AGRN: variants seen among roughly 807,000 people sequenced by gnomAD.
The protein encoded by AGRN is agrin proteoglycan.
AGRN carries 106 observed loss-of-function variants against 211.0 expected under a neutral mutation model. The ratio of observed to expected loss-of-function variants is 0.50; its 90% CI spans 0.43 to 0.59. The LOEUF is 0.59. AGRN is among the 20% of genes least tolerant of loss of function. The pLI, the probability that AGRN is intolerant of heterozygous loss-of-function variation, is 0.00. For missense variants in AGRN, 3,040 were observed against 2,982.6 expected, an observed-to-expected ratio of 1.02 and a Z score of -0.45; for synonymous variants, 1,525 against 1,332.5, an observed-to-expected ratio of 1.14 and a Z score of -3.15.
At chr1:1,044,708 T>A (rs1645042596) in intron 12 of AGRN, among the ~76,000 whole-genome samples, 1 of 152,176 alleles carries the variant, frequency 6.6e-6, no homozygotes, top group African/African-American at 2.4e-5. Context: ...GTGTGGGCAC[T>A]TTCTCTGCAT....
chr1:1,043,599 C>G lies in AGRN; in HGVS notation c.1665C>G (p.Cys555Trp), dbSNP rs376620402. The G allele has an allele frequency of 4.9e-5, 78 of 1,605,012 alleles. No individual in the cohort carries two copies. Among genetic ancestry groups the G allele is most frequent in the Non-Finnish European group, 6.6e-5 (78 of 1,179,778 alleles). Reference protein sequence around the residue: ...LCEAETGRCVCPSECVALAQP... With the variant: ...LCEAETGRCVWPSECVALAQP... ...AGGCCGAGACCGGGCGCTGCGTGTGCCCCTCTGAATGCGTGGCTTTGGCCC... is the reference window on the plus strand; with the variant it reads ...AGGCCGAGACCGGGCGCTGCGTGTGGCCCTCTGAATGCGTGGCTTTGGCCC... The change falls in exon 9 of 36, where the codon TGC becomes TGG. Residue 555 changes from cysteine to tryptophan, a missense_variant. Around this residue, in one of 3 missense-constraint regions of AGRN, gnomAD observed 1,498 missense variants for 1,457.8 expected, o/e 1.03. Coordinates refer to ENST00000379370, the MANE Select transcript of AGRN (RefSeq NM_198576.4).
At chr1:1,035,837 T>TG (rs1441211594) in intron 3 of AGRN, among the ~76,000 whole-genome samples, 8 of 132,366 alleles carry the variant, frequency 6.0e-5, no homozygotes, top group Non-Finnish European at 9.8e-5. Context: ...CAGGCTGTCA[T>TG]GGGGGGACAC....
chr1:1,024,889 G>A (rs371468494), intron 2 of AGRN, among the ~76,000 whole-genome samples: 3 of 152,192 alleles, frequency 2.0e-5, no homozygotes, highest in South Asian at 2.1e-4. Context: ...TGCTCCCTCC[G>A]GAAGGAGACC....
At chr1:1,050,890 CG>C in intron 30 of AGRN, 53 bp downstream of exon 30, 1 of 1,517,974 alleles carries the variant, frequency 6.6e-7, no homozygotes, top group East Asian at 2.5e-5. Context: ...TCTTCCTCCT[CG>C]GGCGGCAGCC....
intron 33 of AGRN, chr1:1,052,130 G>A: frequency 7.8e-7 from 1 of 1,274,234 alleles, no homozygotes; most frequent in Non-Finnish European, 1.1e-6. Flanking sequence ...GGCGGAGGAT[G>A]GGGGTCCGGC....
At chr1:1,023,297 G>A (rs1644451270) in intron 2 of AGRN, among the ~76,000 whole-genome samples, 1 of 152,200 alleles carries the variant, frequency 6.6e-6, no homozygotes, top group African/African-American at 2.4e-5. Flanking sequence ...AGGGGTCCTT[G>A]TGGGGTCCTG....
Position 1,043,306 on chromosome 1 carries a change from G to A in AGRN, c.1452G>A (p.Gly484=). 1 of 1,611,458 alleles carries A rather than the reference G, an allele frequency of 6.2e-7. No individual in the cohort carries two copies. The highest frequency in any genetic ancestry group is 8.5e-7 in the Non-Finnish European group (1 of 1,179,490). ...GGGCGACGTGTGCTGTGAAGAACGG[G>A]CAGGCAGCGTGTGAATGCCTGCAGG... The part of the protein sequence containing the change: ...AFGATCAVKN[G]QAACECLQAC... The change falls in exon 8 of 36, where the codon GGG becomes GGA. Residue 484 remains glycine (G), a synonymous_variant. Transcript: ENST00000379370.
rs3128102 is a variant in AGRN at position 1,047,561 on chromosome 1, T to A, written c.3517-12T>A. On this transcript the variant is annotated splice_polypyrimidine_tract_variant and intron_variant, in intron 20 of 35. Transcript: ENST00000379370. ...GGCGGCCCCCCAAGTCCTTGCCTAC[T>A]CCCTGCCACAGCTGGACGACCTCTT... The A allele has an allele frequency of 6.2e-7, 1 of 1,612,796 alleles. No homozygotes were observed. Among genetic ancestry groups the A allele is most frequent in the South Asian group, 1.1e-5 (1 of 91,088 alleles).
chr1:1,049,152 G>GAGGGGACGGGC (rs1645196295), intron 24 of AGRN, 84 bp from the exon 25 acceptor site: 14 of 1,330,466 alleles, frequency 1.1e-5, no homozygotes, highest in Non-Finnish European at 1.3e-5. Context: ...GGTGGGTGGG[G>GAGGGGACGGGC]TGGGGACGGG....
chr1:1,050,970 C>T, intron 30 of AGRN, 133 bp downstream of exon 30: 1 of 1,549,940 alleles, frequency 6.5e-7, no homozygotes, highest in Non-Finnish European at 8.7e-7. Context: ...CTGTCCTCTG[C>T]CTCCTCTGCC....
At chr1:1,037,858 G>A (rs2100618074) in intron 3 of AGRN, among the ~76,000 whole-genome samples, 1 of 152,268 alleles carries the variant, frequency 6.6e-6, no homozygotes, top group South Asian at 2.1e-4. Flanking sequence ...CTGCTGCAAT[G>A]CGCTGTGCCT....
At position 1,047,802 on chromosome 1, in the gene AGRN, G is replaced by C; in HGVS notation, c.3658G>C (p.Ala1220Pro). 6.2e-7 allele frequency: 1 copy of C among 1,604,320 alleles called. No homozygotes were observed. Among genetic ancestry groups the C allele is most frequent in the Non-Finnish European group, 8.5e-7 (1 of 1,176,072 alleles). ...PTTAFRAPDV[A>P]RALLRQIQVS... ...CACAGCCTTCAGGGCACCCGACGTG[G>C]CCCGGGCCCTGCTCCGGCAGATCCA... The change falls in exon 22 of 36, where the codon GCC becomes CCC. Residue 1220 changes from alanine (A) to proline (P), a missense_variant. Ala to Pro is a conservative substitution (Grantham distance 27). Around this residue, in one of 3 missense-constraint regions of AGRN, gnomAD observed 1,537 missense variants for 1,505.0 expected, o/e 1.02. Transcript: ENST00000379370.
In AGRN at chr1:1,044,355, A is replaced by G; in HGVS notation, c.2170A>G (p.Thr724Ala). The change falls in exon 12 of 36, where the codon ACC becomes GCC. Residue 724 changes from threonine to alanine, a missense_variant. By Grantham distance (58) the Thr-to-Ala change is moderately conservative. Around this residue, in one of 3 missense-constraint regions of AGRN, gnomAD observed 1,498 missense variants for 1,457.8 expected, o/e 1.03. Transcript: ENST00000379370. ...GSPVCGSDGVTYSTECELKKA... is the reference protein window; with the variant it reads ...GSPVCGSDGVAYSTECELKKA... ...CCAGGTGTGCGGCTCAGATGGGGTC[A>G]CCTACAGCACCGAGTGTGAGCTGAA... 2 of 1,612,652 alleles carry G rather than the reference A, an allele frequency of 1.2e-6. No homozygotes were observed. The highest frequency in any genetic ancestry group is 1.1e-5 in the South Asian group (1 of 91,076).
At position 1,050,806 on chromosome 1, in the gene AGRN, G is replaced by A; in HGVS notation, c.5222G>A (p.Gly1741Asp). Residue 1741 changes from glycine (G) to aspartate (D), a missense_variant, in exon 30 of 36, where the codon GGC (glycine) becomes GAC (aspartate). Coordinates refer to ENST00000379370, the MANE Select transcript of AGRN (RefSeq NM_198576.4). Reference protein sequence around the residue: ...RNGRKGALRVGDGPRVLGESP... With the variant: ...RNGRKGALRVDDGPRVLGESP... ...GGCCGCAAGGGTGCCCTGCGTGTGGGCGACGGCCCCCGTGTGTTGGGGGAG... is the reference window on the plus strand; with the variant it reads ...GGCCGCAAGGGTGCCCTGCGTGTGGACGACGGCCCCCGTGTGTTGGGGGAG... 6.3e-7 allele frequency: 1 copy of A among 1,594,810 alleles called. No homozygotes were observed. Among genetic ancestry groups the A allele is most frequent in the South Asian group, 1.1e-5 (1 of 89,108 alleles).
chr1:1,052,000 G>A (rs1379615147), intron 33 of AGRN, 185 bp downstream of exon 33: 5 of 1,540,300 alleles, frequency 3.2e-6, no homozygotes, highest in South Asian at 1.2e-5. Context: ...AAGCGAACTG[G>A]CCAATGAGAT....
In AGRN at chr1:1,045,953, C is replaced by G. The variant is rs771134482; in HGVS notation, c.2681-11C>G. The G allele has an allele frequency of 6.2e-7, 1 of 1,613,182 alleles. No individual in the cohort carries two copies. The highest frequency in any genetic ancestry group is 1.3e-5 in the African/African-American group (1 of 74,928). Reference sequence around the variant, plus strand: ...CCCGAGCCACAGAGGTTTCCCATGCCCGTGCCCCAGACGCTTCTGCGCCTG... The same window carrying G: ...CCCGAGCCACAGAGGTTTCCCATGCGCGTGCCCCAGACGCTTCTGCGCCTG... On this transcript the variant is annotated splice_polypyrimidine_tract_variant and intron_variant, in intron 15 of 35. Coordinates refer to ENST00000379370, the MANE Select transcript of AGRN (RefSeq NM_198576.4).
chr1:1,020,852 G>GGT (rs1553170890), intron 1 of AGRN, among the ~76,000 whole-genome samples: 20 of 146,834 alleles, frequency 1.4e-4, no homozygotes, highest in Admixed American at 1.3e-3. Flanking sequence ...TGGTGCGGGG[G>GGT]GGGGGCGTGC....
chr1:1,047,236 C>A (rs1645124541), intron 19 of AGRN, 91 bp from the exon 20 acceptor site: 6 of 1,520,576 alleles, frequency 3.9e-6, no homozygotes, highest in Admixed American at 2.2e-5. Flanking sequence ...CCTTCCCTTG[C>A]ACCCTTGTGG....
chr1:1,022,771 G>A (rs1644437484), intron 2 of AGRN, among the ~76,000 whole-genome samples: 1 of 152,268 alleles, frequency 6.6e-6, no homozygotes, highest in South Asian at 2.1e-4. Context: ...CTTCTAGGGA[G>A]AAGCTGGACA....
Sources: gnomAD v4.1 joint callset for allele counts (sites outside exome capture counted in the v4.1 genomes callset) on GRCh38, gnomAD v4.1.1 for gene constraint, gnomAD v4.1.1 regional missense constraint, MANE v1.5 for transcripts, NCBI Gene and HGNC (gene_info 2026-07-23, HGNC 2026-07-21) for gene names.